GABRB2: variants seen among roughly 807,000 people sequenced by gnomAD.
GABRB2 encodes gamma-aminobutyric acid receptor subunit beta-2.
In GABRB2, 16 loss-of-function variants were observed where a neutral mutation model predicts 54.7. The ratio of observed to expected loss-of-function variants is 0.29; its 90% CI spans 0.20 to 0.44. GABRB2 has a LOEUF of 0.44. Ranked by LOEUF, GABRB2 falls within the 20% of genes least tolerant of loss-of-function variation. The pLI is 1.00. For missense variants in GABRB2, 355 were observed against 644.0 expected (o/e 0.55, Z 4.86); for synonymous variants, 244 against 233.8 (o/e 1.04, Z -0.40).
At chr5:161,520,986 G>A (rs1175032678) in intron 3 of GABRB2, among the ~76,000 whole-genome samples, 1 of 151,944 alleles carries the variant, frequency 6.6e-6, no homozygotes, top group Non-Finnish European at 1.5e-5. Flanking sequence ...GTCTGAAGGA[G>A]GTCTATGTCT....
intron 9 of GABRB2, among the ~76,000 whole-genome samples, chr5:161,308,362 G>A (rs767970285): frequency 1.1e-4 from 17 of 152,104 alleles, no homozygotes; most frequent in Admixed American, 8.5e-4. Context: ...CCAATGAAAT[G>A]AAAAGAGAAA....
chr5:161,396,506 C>T (rs1005822208), intron 5 of GABRB2, among the ~76,000 whole-genome samples: 1 of 152,198 alleles, frequency 6.6e-6, no homozygotes, highest in Non-Finnish European at 1.5e-5. Context: ...CCTTCTGTGG[C>T]TCTTGAAAGA....
intron 4 of GABRB2, among the ~76,000 whole-genome samples, chr5:161,436,532 A>G (rs1054141036): frequency 5.1e-5 from 6 of 118,498 alleles, no homozygotes; most frequent in African/African-American, 1.3e-4. Flanking sequence ...GACGCTGTCG[A>G]AAAAAAAAAA....
chr5:161,542,896 A>T (rs1760862957), intron 3 of GABRB2, among the ~76,000 whole-genome samples: 1 of 152,250 alleles, frequency 6.6e-6, no homozygotes, highest in Non-Finnish European at 1.5e-5. Flanking sequence ...TTATTTAGAC[A>T]CCAGAGATGG....
At chr5:161,341,934 CTT>C (rs1287617552) in intron 5 of GABRB2, among the ~76,000 whole-genome samples, 36 of 54,132 alleles carry the variant, frequency 6.7e-4, no homozygotes, top group African/African-American at 2.8e-3. Flanking sequence ...TTTATTTTTT[CTT>C]TTATATATAT....
intron 3 of GABRB2, among the ~76,000 whole-genome samples, chr5:161,463,317 C>CCA (rs137863733): frequency 0.13 from 18,463 of 140,976 alleles, 1,469 homozygotes; most frequent in African/African-American, 0.23. Context: ...TACACACACA[C>CCA]CACACACACA....
At position 161,531,366 on chromosome 5, in the gene GABRB2, G is replaced by A. The variant is rs776722800; in HGVS notation, c.237+13861C>T. The stretch of plus-strand genomic sequence containing the variant: ...AATTTTTTAAAGATTATCTTTATAT[G>A]CTTGTTTAAAAGCCAGCTGTTCAAT... On this transcript the variant is annotated intron_variant, in intron 3 of 9. Coordinates refer to ENST00000393959, the MANE Select transcript of GABRB2 (RefSeq NM_001371727.1). Among the ~76,000 whole-genome samples the A allele has an allele frequency of 5.9e-5, 9 of 152,160 alleles. No individual in the cohort carries two copies. In the South Asian group the frequency reaches 6.2e-4, roughly 11 times the overall value.
Position 161,410,021 on chromosome 5 carries a change from C to T in GABRB2, c.541+954G>A, listed in dbSNP as rs117416660. Reference sequence around the variant, plus strand: ...GTCACAAATGCCATATTTCTGCTCACAGCAATGATTTAGTCATGCTGCTTG... The same window carrying T: ...GTCACAAATGCCATATTTCTGCTCATAGCAATGATTTAGTCATGCTGCTTG... On this transcript the variant is annotated intron_variant, in intron 5 of 9. Coordinates refer to ENST00000393959, the MANE Select transcript of GABRB2 (RefSeq NM_001371727.1). Among the ~76,000 whole-genome samples, 345 of 152,252 alleles carry T rather than the reference C, an allele frequency of 2.3e-3. 5 individuals carry two copies. The East Asian group carries it at 0.031, about 14-fold the overall frequency.
intron 3 of GABRB2, among the ~76,000 whole-genome samples, chr5:161,536,213 T>C (rs182577260): frequency 7.9e-5 from 12 of 152,180 alleles, no homozygotes; most frequent in Admixed American, 6.5e-4. Context: ...CATGTTATGA[T>C]GATGGTGGAG....
At chr5:161,326,673 C>A (rs771733523) in intron 8 of GABRB2, among the ~76,000 whole-genome samples, 192 bp from the exon 9 acceptor site, 5 of 151,892 alleles carry the variant, frequency 3.3e-5, no homozygotes, top group Non-Finnish European at 5.9e-5. Context: ...AAATTCCAAG[C>A]AGTAGAAATA....
At chr5:161,441,199 T>C (rs921473674) in intron 4 of GABRB2, among the ~76,000 whole-genome samples, 1 of 152,132 alleles carries the variant, frequency 6.6e-6, no homozygotes, top group African/African-American at 2.4e-5. Context: ...GAGAAAATAT[T>C]TGTAAACTGC....
intron 9 of GABRB2, among the ~76,000 whole-genome samples, chr5:161,322,843 C>T (rs1197404708): frequency 6.6e-6 from 1 of 151,958 alleles, no homozygotes; most frequent in Non-Finnish European, 1.5e-5. Context: ...ATTGCTTTGC[C>T]TTCATTTTCT....
At chr5:161,478,163 T>C (rs1349638478) in intron 3 of GABRB2, among the ~76,000 whole-genome samples, 2 of 151,978 alleles carry the variant, frequency 1.3e-5, no homozygotes, top group African/African-American at 4.8e-5. Context: ...TCTCTGTTGC[T>C]ACAGAGTGCA....
intron 5 of GABRB2, among the ~76,000 whole-genome samples, chr5:161,376,854 T>C (rs1471384293): frequency 6.6e-6 from 1 of 151,922 alleles, no homozygotes; most frequent in African/African-American, 2.4e-5. Context: ...AAAATAAATA[T>C]GTACCCTGCA....
intron 5 of GABRB2, 47 bp from the exon 6 acceptor site, chr5:161,336,816 A>AC (rs1754009040): frequency 1.5e-6 from 2 of 1,322,282 alleles, no homozygotes; most frequent in African/African-American, 1.8e-5. Flanking sequence ...ACAGAAAACA[A>AC]AAAAAAAAAA....
chr5:161,518,465 C>T (rs1760017639), intron 3 of GABRB2, among the ~76,000 whole-genome samples: 3 of 152,300 alleles, frequency 2.0e-5, no homozygotes, highest in Admixed American at 2.0e-4. Flanking sequence ...AAATTAAAAT[C>T]TTCTGAATGT....
chr5:161,537,145 C>A (rs1279668921), intron 3 of GABRB2, among the ~76,000 whole-genome samples: 1 of 152,166 alleles, frequency 6.6e-6, no homozygotes, highest in Admixed American at 6.5e-5. Flanking sequence ...TGTACTAACT[C>A]TCTGACTGCT....
intron 3 of GABRB2, among the ~76,000 whole-genome samples, chr5:161,521,303 T>C (rs1474093762): frequency 6.6e-6 from 1 of 151,994 alleles, no homozygotes; most frequent in Non-Finnish European, 1.5e-5. Context: ...TTACCTTGAT[T>C]ATACTTCCAA....
At chr5:161,531,813 T>C (rs1760472401) in intron 3 of GABRB2, among the ~76,000 whole-genome samples, 1 of 152,120 alleles carries the variant, frequency 6.6e-6, no homozygotes, top group Non-Finnish European at 1.5e-5. Context: ...TCAGATCCTC[T>C]TTAAATTTCT....
Sources: allele counts gnomAD v4.1 joint callset (sites outside exome capture counted in the v4.1 genomes callset), GRCh38; gene constraint gnomAD v4.1.1; transcripts MANE v1.5; gene names NCBI Gene and HGNC (gene_info 2026-07-23, HGNC 2026-07-21).